The following GRM1 variants were observed in gnomAD, a reference collection of about 807,000 sequenced individuals.
The protein encoded by GRM1 is glutamate metabotropic receptor 1.
In GRM1, 33 loss-of-function variants were observed where a neutral mutation model predicts 90.9. The observed-to-expected ratio is 0.36, with a 90% CI of 0.28 to 0.49. The LOEUF is 0.49. Ranked by LOEUF, GRM1 falls within the 20% of genes least tolerant of loss-of-function variation. The pLI is 0.99. For synonymous variants in GRM1, 700 were observed against 613.2 expected (o/e 1.14, Z -2.09); for missense variants, 1,190 against 1,534.3 (o/e 0.78, Z 3.75).
At position 146,357,671 on chromosome 6, in the gene GRM1, C is replaced by T. The variant is rs569951616; in HGVS notation, c.1579C>T (p.Pro527Ser). The change falls in exon 5 of 8, where the codon CCT becomes TCT. Residue 527 changes from proline (P) to serine (S), a missense_variant. By Grantham distance (74) the Pro-to-Ser change is moderately conservative. This residue lies in a region of GRM1 where 414 missense variants were observed against 598.4 expected (regional missense o/e 0.69). Transcript: ENST00000282753. The stretch of plus-strand genomic sequence containing the variant: ...AGTGGTGCGGTCTGTGTGCAGTGAG[C>T]CTTGCTTAAAGGGCCAGATTAAGGT... ...SGVVRSVCSE[P>S]CLKGQIKVIR... 3.7e-6 allele frequency: 6 copies of T among 1,613,894 alleles called. No homozygotes were observed. Among genetic ancestry groups the T allele is most frequent in the Non-Finnish European group, 5.1e-6 (6 of 1,179,856 alleles).
At chr6:146,252,026 A>G (rs55715455) in intron 2 of GRM1, among the ~76,000 whole-genome samples, 2,937 of 152,238 alleles carry the variant, frequency 0.019, 39 homozygotes, top group Admixed American at 0.028. Context: ...CTGTCCTGAC[A>G]CTTCCTTACA....
intron 5 of GRM1, among the ~76,000 whole-genome samples, chr6:146,372,834 C>T (rs181867008): frequency 6.6e-6 from 1 of 152,122 alleles, no homozygotes; most frequent in African/African-American, 2.4e-5. Flanking sequence ...TGTTTTTATG[C>T]CAGTACTCTG....
At chr6:146,397,473 C>CAAAAAAAAAAAAAAAAAAAAAAA (rs1195779695) in intron 6 of GRM1, among the ~76,000 whole-genome samples, 1 of 16,762 alleles carries the variant, frequency 6.0e-5, no homozygotes, top group Non-Finnish European at 1.3e-4. Flanking sequence ...GACCCCGTCT[C>CAAAAAAAAAAAAAAAAAAAAAAA]AAAAAAAAAA....
At position 146,150,938 on chromosome 6, in the gene GRM1, G is replaced by GCGCACACA. The variant is rs1554273698; in HGVS notation, c.701-8409_701-8408insGCACACAC. Among the ~76,000 whole-genome samples, 461 of 150,814 alleles carry GCGCACACA rather than the reference G, an allele frequency of 3.1e-3. 3 individuals carry two copies. Among genetic ancestry groups the GCGCACACA allele is most frequent in the African/African-American group, 1.0e-2 (410 of 41,200 alleles). Reference sequence around the variant, plus strand: ...TATAAACACACACACGCGTGTGCGCGCACACACACACACACACACACACAC... The same window carrying GCGCACACA: ...TATAAACACACACACGCGTGTGCGCGCGCACACACACACACACACACACACACACACAC... On this transcript the variant is annotated intron_variant, in intron 1 of 7. Coordinates refer to ENST00000282753, the MANE Select transcript of GRM1 (RefSeq NM_001278064.2).
intron 2 of GRM1, among the ~76,000 whole-genome samples, chr6:146,247,245 T>C (rs1030309584): frequency 1.1e-4 from 17 of 152,160 alleles, no homozygotes; most frequent in African/African-American, 4.1e-4. Flanking sequence ...GGAGGGAGGC[T>C]GTGTGTTACA....
intron 1 of GRM1, among the ~76,000 whole-genome samples, chr6:146,092,660 T>C (rs1776752219): frequency 6.6e-6 from 1 of 152,038 alleles, no homozygotes; most frequent in African/African-American, 2.4e-5. Context: ...AATTTATCCA[T>C]CTTGTCACAG....
intron 2 of GRM1, among the ~76,000 whole-genome samples, chr6:146,286,335 T>G (rs1782766530): frequency 6.6e-6 from 1 of 152,154 alleles, no homozygotes; most frequent in Non-Finnish European, 1.5e-5. Flanking sequence ...ACTTTTAAAT[T>G]TATGAAATGA....
At chr6:146,127,364 G>C (rs186759111) in intron 1 of GRM1, among the ~76,000 whole-genome samples, 2 of 152,250 alleles carry the variant, frequency 1.3e-5, no homozygotes, top group East Asian at 1.9e-4. Context: ...AGAAAAGGCA[G>C]TATAAGCTGG....
chr6:146,287,804 C>G (rs1278419064), intron 2 of GRM1, among the ~76,000 whole-genome samples: 3 of 152,184 alleles, frequency 2.0e-5, no homozygotes, highest in African/African-American at 7.2e-5. Flanking sequence ...GGAATGCAGA[C>G]AGCCAGTGGA....
At chr6:146,201,190 A>G (rs916339429) in intron 2 of GRM1, among the ~76,000 whole-genome samples, 4 of 152,224 alleles carry the variant, frequency 2.6e-5, no homozygotes, top group Non-Finnish European at 5.9e-5. Flanking sequence ...AGTTGCTGAT[A>G]TAAATTAACT....
At chr6:146,208,236 T>A (rs1213758634) in intron 2 of GRM1, among the ~76,000 whole-genome samples, 2 of 152,210 alleles carry the variant, frequency 1.3e-5, no homozygotes, top group Non-Finnish European at 2.9e-5. Flanking sequence ...ATGATCCTTG[T>A]TGGTAACCCA....
intron 2 of GRM1, among the ~76,000 whole-genome samples, chr6:146,290,517 G>C (rs1431932020): frequency 1.3e-5 from 2 of 152,196 alleles, no homozygotes; most frequent in African/African-American, 4.8e-5. Flanking sequence ...CAAGTCTCAT[G>C]ACCAGAGGGC....
rs112324725 is a variant in GRM1 at position 146,391,058 on chromosome 6, G to A, written c.1729+4042G>A. ...TGAAGGTTTATATGATCATGATGTAGTATTGCAAATGTTATGAATTACCTC... is the reference window on the plus strand; with the variant it reads ...TGAAGGTTTATATGATCATGATGTAATATTGCAAATGTTATGAATTACCTC... On this transcript the variant is annotated intron_variant, in intron 6 of 7. Transcript: ENST00000282753. 6.6e-5 allele frequency among the ~76,000 whole-genome samples: 10 copies of A among 152,154 alleles called. 1 individual carries two copies. Among genetic ancestry groups the A allele is most frequent in the African/African-American group, 2.4e-4 (10 of 41,524 alleles).
chr6:146,071,459 G>C (rs1286147177), intron 1 of GRM1, among the ~76,000 whole-genome samples: 1 of 152,132 alleles, frequency 6.6e-6, no homozygotes, highest in East Asian at 1.9e-4. Context: ...GCTTAATATA[G>C]TTATATATCT....
At chr6:146,195,802 A>G (rs527520849) in intron 2 of GRM1, among the ~76,000 whole-genome samples, 228 of 152,320 alleles carry the variant, frequency 1.5e-3, no homozygotes, top group African/African-American at 5.4e-3. Context: ...AATAGAAAGG[A>G]GCTGGATAGT....
At position 146,399,334 on chromosome 6, in the gene GRM1, G is replaced by C. The variant is rs754260410; in HGVS notation, c.2295G>C (p.Met765Ile). ...TGGGCTACAATGGACTCCTCATCAT[G>C]AGCTGTACCTACTATGCCTTCAAGA... ...APLGYNGLLI[M>I]SCTYYAFKTR... The change falls in exon 7 of 8, where the codon ATG (methionine) becomes ATC (isoleucine). Residue 765 changes from methionine to isoleucine, a missense_variant. Coordinates refer to ENST00000282753, the MANE Select transcript of GRM1 (RefSeq NM_001278064.2). This position sits in a 1 kb window ranked among gnomAD's most constrained non-coding sequence, Gnocchi z 5.4. The C allele has an allele frequency of 1.2e-6, 2 of 1,614,148 alleles. No individual in the cohort carries two copies. The highest frequency in any genetic ancestry group is 1.7e-6 in the Non-Finnish European group (2 of 1,180,020).
chr6:146,427,105 C>T (rs919460714), intron 7 of GRM1, among the ~76,000 whole-genome samples: 5 of 152,062 alleles, frequency 3.3e-5, no homozygotes, highest in Admixed American at 2.0e-4. Flanking sequence ...TGTCAGTTTG[C>T]GGGGGTGGGT....
chr6:146,029,972 C>A lies in GRM1; in HGVS notation c.455C>A (p.Thr152Asn). The change falls in exon 1 of 8, where the codon ACT becomes AAT. Residue 152 changes from threonine to asparagine, a missense_variant. Coordinates refer to ENST00000282753, the MANE Select transcript of GRM1 (RefSeq NM_001278064.2). The stretch of plus-strand genomic sequence containing the variant: ...GGCCAGTCCCTCCCCCCAGGCAGGA[C>A]TAAGAAGCCCATTGCGGGAGTGATC... ...PDGQSLPPGR[T>N]KKPIAGVIGP... 1 of 1,614,140 alleles carries A rather than the reference C, an allele frequency of 6.2e-7. No homozygotes were observed. The highest frequency in any genetic ancestry group is 8.5e-7 in the Non-Finnish European group (1 of 1,180,002).
chr6:146,109,371 T>G (rs780112793), intron 1 of GRM1, among the ~76,000 whole-genome samples: 19 of 152,182 alleles, frequency 1.2e-4, no homozygotes, highest in Non-Finnish European at 2.4e-4. Flanking sequence ...GGCTGTGGCT[T>G]CAGAGGGTGA....
Sources: allele counts gnomAD v4.1 joint callset (sites outside exome capture counted in the v4.1 genomes callset), GRCh38; gene constraint gnomAD v4.1.1; regional missense constraint gnomAD v4.1.1; non-coding constraint Gnocchi (gnomAD v3.1); transcripts MANE v1.5; gene names NCBI Gene and HGNC (gene_info 2026-07-23, HGNC 2026-07-21).